TTC29: variants seen among roughly 807,000 people sequenced by gnomAD.
TTC29 encodes tetratricopeptide repeat domain 29.
TTC29 carries 49 observed loss-of-function variants against 58.1 expected under a neutral mutation model. The observed-to-expected ratio is 0.84, with a 90% CI of 0.67 to 1.07. The LOEUF is 1.07. Among genes scored for constraint, TTC29 ranks in the 50% least tolerant of loss-of-function variants. TTC29 has a pLI of 0.00. For synonymous variants in TTC29, 209 were observed against 196.8 expected, an observed-to-expected ratio of 1.06 and a Z score of -0.52; for missense variants, 582 against 555.6, an observed-to-expected ratio of 1.05 and a Z score of -0.48.
At chr4:146,923,394 G>T (rs1011385932) in intron 4 of TTC29, among the ~76,000 whole-genome samples, 14 of 151,380 alleles carry the variant, frequency 9.2e-5, no homozygotes, top group African/African-American at 3.2e-4. Flanking sequence ...GTTTATCTCA[G>T]AATTGGAAGA....
chr4:146,877,064 A>C (rs1367571812), intron 6 of TTC29, among the ~76,000 whole-genome samples: 2 of 152,114 alleles, frequency 1.3e-5, no homozygotes, highest in Non-Finnish European at 2.9e-5. Context: ...CTTGTTTATA[A>C]ATTTATATTA....
Position 146,911,960 on chromosome 4 carries a change from G to A in TTC29, c.177-2711C>T, listed in dbSNP as rs187838471. ...GTCTGCAAAGATGGAGGAAGGAATG[G>A]ATACTGGCCAGACAAATGCAGTGAC... On this transcript the variant is annotated intron_variant, in intron 4 of 12. Transcript: ENST00000325106. Among the ~76,000 whole-genome samples the A allele has an allele frequency of 4.8e-3, 733 of 152,290 alleles. 3 individuals carry two copies. Among genetic ancestry groups the A allele is most frequent in the African/African-American group, 0.016 (669 of 41,554 alleles).
intron 11 of TTC29, among the ~76,000 whole-genome samples, chr4:146,767,523 T>G (rs572869302): frequency 6.6e-6 from 1 of 152,184 alleles, no homozygotes; most frequent in East Asian, 1.9e-4. Context: ...AGCGCACATT[T>G]CTTCTAAATG....
intron 8 of TTC29, 116 bp downstream of exon 8, chr4:146,867,382 G>A: frequency 2.1e-6 from 1 of 467,058 alleles, no homozygotes; most frequent in South Asian, 6.1e-5. Flanking sequence ...CAGTAAATAG[G>A]CACACCTATG....
intron 8 of TTC29, among the ~76,000 whole-genome samples, chr4:146,835,398 C>A (rs1029445355): frequency 3.3e-5 from 5 of 152,090 alleles, no homozygotes; most frequent in African/African-American, 1.2e-4. Flanking sequence ...TATAAGAGAT[C>A]TTTTGGAATC....
At chr4:146,741,586 A>T (rs76863011) in intron 11 of TTC29, among the ~76,000 whole-genome samples, 1 of 151,556 alleles carries the variant, frequency 6.6e-6, no homozygotes, top group Non-Finnish European at 1.5e-5. Context: ...TATTGCAATA[A>T]CTCTTAACTG....
chr4:146,866,899 A>T (rs142106573), intron 8 of TTC29, among the ~76,000 whole-genome samples: 1 of 152,190 alleles, frequency 6.6e-6, no homozygotes, highest in Non-Finnish European at 1.5e-5. Context: ...GACTTCAGTT[A>T]TAATTCAGGA....
intron 8 of TTC29, among the ~76,000 whole-genome samples, chr4:146,865,269 C>T (rs900926512): frequency 6.6e-6 from 1 of 152,176 alleles, no homozygotes; most frequent in Non-Finnish European, 1.5e-5. Flanking sequence ...TTTGTCACAT[C>T]TGATGAAACT....
At chr4:146,766,066 C>T (rs539885990) in intron 11 of TTC29, among the ~76,000 whole-genome samples, 1 of 151,948 alleles carries the variant, frequency 6.6e-6, no homozygotes, top group Non-Finnish European at 1.5e-5. Context: ...GTATTATTTA[C>T]TCGGATTCAC....
chr4:146,805,181 T>C (rs1183126171), intron 10 of TTC29, among the ~76,000 whole-genome samples: 5 of 151,958 alleles, frequency 3.3e-5, no homozygotes, highest in Non-Finnish European at 7.4e-5. Context: ...CATAAAGGAA[T>C]AGCATCAACA....
intron 11 of TTC29, among the ~76,000 whole-genome samples, chr4:146,715,025 A>T (rs1319177413): frequency 6.6e-6 from 1 of 151,818 alleles, no homozygotes; most frequent in Non-Finnish European, 1.5e-5. Flanking sequence ...TCTTGTAGAG[A>T]TGGGATCTTG....
chr4:146,721,915 A>C (rs1213920723), intron 11 of TTC29, among the ~76,000 whole-genome samples: 1 of 152,176 alleles, frequency 6.6e-6, no homozygotes, highest in Non-Finnish European at 1.5e-5. Context: ...GAAAACCCTA[A>C]AGACTCTGCC....
intron 4 of TTC29, among the ~76,000 whole-genome samples, chr4:146,918,546 A>G (rs1579982557): frequency 6.6e-6 from 1 of 151,270 alleles, no homozygotes; most frequent in South Asian, 2.1e-4. Context: ...TGTGAGATCA[A>G]CAAATGTTTA....
At chr4:146,808,803 A>G (rs896223345) in intron 10 of TTC29, among the ~76,000 whole-genome samples, 2 of 152,350 alleles carry the variant, frequency 1.3e-5, no homozygotes, top group Admixed American at 6.5e-5. Context: ...GAAAATAGCC[A>G]TACTGCCCAA....
intron 8 of TTC29, among the ~76,000 whole-genome samples, chr4:146,846,260 A>AC (rs980623446): frequency 6.6e-6 from 1 of 152,050 alleles, no homozygotes; most frequent in Non-Finnish European, 1.5e-5. Flanking sequence ...TGACACAAGA[A>AC]CCCCCTATCT....
At chr4:146,934,285 G>C (rs891186263) in intron 4 of TTC29, 1 of 152,202 alleles carries the variant, frequency 6.6e-6, no homozygotes. Flanking sequence ...ACATTTTGGA[G>C]TTGTAGCTGA....
At chr4:146,882,166 G>A (rs182782019) in intron 6 of TTC29, among the ~76,000 whole-genome samples, 7 of 152,112 alleles carry the variant, frequency 4.6e-5, no homozygotes, top group East Asian at 1.9e-4. Flanking sequence ...AAAATATTCC[G>A]GAGGAAGTGT....
chr4:146,812,650 C>T (rs1055272111), intron 10 of TTC29: 27 of 152,166 alleles, frequency 1.8e-4, no homozygotes, highest in African/African-American at 6.5e-4. Flanking sequence ...ACACAACTGA[C>T]ATTAAATAGA....
At chr4:146,859,943 A>G (rs1198845194) in intron 8 of TTC29, among the ~76,000 whole-genome samples, 1 of 152,162 alleles carries the variant, frequency 6.6e-6, no homozygotes, top group Non-Finnish European at 1.5e-5. Flanking sequence ...TTAATATGTC[A>G]TCATACAAAG....
Sources: allele counts gnomAD v4.1 joint callset (sites outside exome capture counted in the v4.1 genomes callset), GRCh38; gene constraint gnomAD v4.1.1; transcripts MANE v1.5; gene names NCBI Gene and HGNC (gene_info 2026-07-23, HGNC 2026-07-21).